MAGT1: variants seen among roughly 807,000 people sequenced by gnomAD.
MAGT1 encodes magnesium transporter 1.
In MAGT1, 4 loss-of-function variants were observed where a neutral mutation model predicts 28.4. The ratio of observed to expected loss-of-function variants is 0.14; its 90% CI spans 0.07 to 0.32. MAGT1 has a LOEUF of 0.32. MAGT1 is among the 10% of genes least tolerant of loss of function. The probability of loss-of-function intolerance (pLI) is 1.00; values close to 1 mark genes in which losing one functional copy is unlikely to be tolerated. For missense variants in MAGT1, 193 were observed against 264.5 expected (o/e 0.73, Z 1.88); for synonymous variants, 89 against 89.7 (o/e 0.99, Z 0.04).
At chrX:77,841,889 C>T (rs2076935991) in intron 7 of MAGT1, among the ~76,000 whole-genome samples, 1 of 91,269 alleles carries the variant, frequency 1.1e-5, no homozygotes, top group African/African-American at 3.8e-5. Flanking sequence ...GGGGTTTTGC[C>T]ACGTTGCACA....
chrX:77,841,783 C>T (rs191139478), intron 7 of MAGT1, among the ~76,000 whole-genome samples: 1 of 108,405 alleles, frequency 9.2e-6, no homozygotes, highest in African/African-American at 3.4e-5. Context: ...TCAAGCCACC[C>T]TCCCACCTCA....
In MAGT1 at chrX:77,829,172, G is replaced by A. The variant is rs369810259; in HGVS notation, c.*48C>T. The A allele has an allele frequency of 2.8e-5, 32 of 1,128,382 alleles. No homozygotes were observed. The highest frequency in any genetic ancestry group is 9.3e-5 in the South Asian group (5 of 53,597). The allele number at this position is 1,128,382 out of a possible 1,213,427, so 93.0% of individuals were successfully genotyped here. On this transcript the variant is annotated 3_prime_UTR_variant, in exon 10 of 10. Coordinates refer to ENST00000618282, the MANE Select transcript of MAGT1 (RefSeq NM_001367916.1). ...TTCTTTTCAAACACACACGATTTTC[G>A]TTTTTCAATTTCCAGTACTCCAGTG... is the stretch of plus-strand genomic sequence containing the variant.
chrX:77,833,017 G>A (rs2076903642), intron 8 of MAGT1, among the ~76,000 whole-genome samples: 2 of 111,386 alleles, frequency 1.8e-5, no homozygotes, highest in Non-Finnish European at 3.8e-5. Context: ...TGCTGCCAAT[G>A]CTCATTTAAT....
intron 8 of MAGT1, among the ~76,000 whole-genome samples, chrX:77,834,935 T>G (rs187835170): frequency 3.7e-5 from 4 of 108,380 alleles, no homozygotes; most frequent in South Asian, 4.0e-4. Context: ...AAACTAATGA[T>G]CTGATCGAAA....
chrX:77,843,081 A>G (rs782168697), intron 7 of MAGT1, among the ~76,000 whole-genome samples: 1 of 112,214 alleles, frequency 8.9e-6, no homozygotes, highest in African/African-American at 3.2e-5. Flanking sequence ...TCAATTATAC[A>G]TATGTACATA....
chrX:77,878,257 C>G (rs1442417103), intron 1 of MAGT1, among the ~76,000 whole-genome samples: 1 of 91,351 alleles, frequency 1.1e-5, no homozygotes, highest in Non-Finnish European at 2.1e-5. Context: ...TCATTGCACT[C>G]CAGTCTGGGC....
At chrX:77,863,227 A>G (rs1423199150) in intron 3 of MAGT1, among the ~76,000 whole-genome samples, 2 of 110,228 alleles carry the variant, frequency 1.8e-5, no homozygotes, top group Non-Finnish European at 1.9e-5. Flanking sequence ...GAAAAACAGT[A>G]TAAGGCCAGG....
chrX:77,842,683 C>T (rs1026274509), intron 7 of MAGT1, among the ~76,000 whole-genome samples: 31 of 110,197 alleles, frequency 2.8e-4, no homozygotes, highest in Non-Finnish European at 5.7e-4. Flanking sequence ...AAAAATTAGC[C>T]GGGCGTGGTG....
At chrX:77,882,092 C>T (rs782234467) in intron 1 of MAGT1, among the ~76,000 whole-genome samples, 137 of 112,247 alleles carry the variant, frequency 1.2e-3, no homozygotes, top group Middle Eastern at 9.2e-3. Flanking sequence ...TGACAAAATT[C>T]AACAGCACTT....
chrX:77,881,573 G>A (rs190307966), intron 1 of MAGT1, among the ~76,000 whole-genome samples: 2 of 109,903 alleles, frequency 1.8e-5, no homozygotes, highest in South Asian at 7.9e-4. Context: ...CTTCATCCAT[G>A]TCCCTACAAA....
intron 1 of MAGT1, among the ~76,000 whole-genome samples, chrX:77,879,597 C>G (rs2077045270): frequency 9.0e-6 from 1 of 110,845 alleles, no homozygotes; most frequent in Non-Finnish European, 1.9e-5. Flanking sequence ...CGTTTGATTC[C>G]TTTTCTAGAC....
chrX:77,844,295 T>C (rs1231339518), intron 7 of MAGT1, among the ~76,000 whole-genome samples: 1 of 111,738 alleles, frequency 8.9e-6, no homozygotes, highest in African/African-American at 3.3e-5. Context: ...GGTGATGATA[T>C]CCCCTTTATC....
intron 1 of MAGT1, among the ~76,000 whole-genome samples, chrX:77,878,134 CA>C (rs1435202947): frequency 9.8e-6 from 1 of 102,453 alleles, no homozygotes; most frequent in Non-Finnish European, 2.0e-5. Flanking sequence ...AAAAAAAATA[CA>C]AAAATTAGCT....
chrX:77,890,029 T>C (rs1603365416), intron 1 of MAGT1, among the ~76,000 whole-genome samples: 2 of 112,258 alleles, frequency 1.8e-5, no homozygotes, highest in South Asian at 3.7e-4. Flanking sequence ...GGATATGCAA[T>C]GTTTGTCTTT....
intron 3 of MAGT1, among the ~76,000 whole-genome samples, chrX:77,865,989 T>A (rs2077007927): frequency 1.6e-5 from 1 of 64,243 alleles, no homozygotes; most frequent in African/African-American, 3.6e-5. Context: ...AACCCCTGTC[T>A]CTACTAAAAA....
intron 7 of MAGT1, among the ~76,000 whole-genome samples, chrX:77,848,094 T>C (rs2076957334): frequency 8.9e-6 from 1 of 112,414 alleles, no homozygotes; most frequent in African/African-American, 3.2e-5. Context: ...AGAGCTATGA[T>C]GCAGTTCTAT....
intron 1 of MAGT1, among the ~76,000 whole-genome samples, chrX:77,894,051 G>C (rs1235057920): frequency 8.9e-6 from 1 of 112,056 alleles, no homozygotes; most frequent in Non-Finnish European, 1.9e-5. Context: ...TCCTTACAGA[G>C]ATTTCTCTAT....
intron 7 of MAGT1, among the ~76,000 whole-genome samples, chrX:77,845,328 G>C (rs1254915691): frequency 9.0e-6 from 1 of 111,273 alleles, no homozygotes; most frequent in African/African-American, 3.3e-5. Context: ...TTGAGCCTAT[G>C]TGTGTCTCTG....
upstream of MAGT1, chrX:77,895,551 A>G: frequency 9.2e-7 from 1 of 1,086,404 alleles, no homozygotes; most frequent in Non-Finnish European, 1.2e-6. Context: ...ATTACGTCAC[A>G]GCGCGCTGGC....
Sources: gnomAD v4.1 joint callset for allele counts (sites outside exome capture counted in the v4.1 genomes callset) on GRCh38, gnomAD v4.1.1 for gene constraint, MANE v1.5 for transcripts, NCBI Gene and HGNC (gene_info 2026-07-23, HGNC 2026-07-21) for gene names.